The following MAF variants were observed in gnomAD, a reference collection of about 807,000 sequenced individuals.
MAF encodes the protein MAF bZIP transcription factor.
A neutral mutation model predicts 22.0 loss-of-function variants in MAF; 10 were observed. That is an observed-to-expected ratio of 0.45 (90% CI 0.28 to 0.77). The LOEUF (loss-of-function observed/expected upper bound fraction) is 0.77, where lower values mean the gene tolerates loss of function less well. Ranked by LOEUF, MAF falls within the 30% of genes least tolerant of loss-of-function variation. The probability of loss-of-function intolerance (pLI) is 0.12; values close to 1 mark genes in which losing one functional copy is unlikely to be tolerated. For missense variants in MAF, 544 were observed against 548.4 expected, an observed-to-expected ratio of 0.99 and a Z score of 0.08; for synonymous variants, 337 against 255.8, an observed-to-expected ratio of 1.32 and a Z score of -3.03.
At chr16:79,248,382 T>C in the MAF span, among the ~76,000 whole-genome samples, 1 of 152,228 alleles carries the variant, frequency 6.6e-6, no homozygotes, top group African/African-American at 2.4e-5. Context: ...CCCACTTCTT[T>C]AGCTCTCTAA....
chr16:79,210,237 AAAC>A, the MAF span, among the ~76,000 whole-genome samples: 2 of 152,220 alleles, frequency 1.3e-5, no homozygotes, highest in African/African-American at 2.4e-5. Context: ...AGCTAAAACC[AAAC>A]AACAATGACA....
the MAF span, among the ~76,000 whole-genome samples, chr16:79,373,229 C>T: frequency 6.6e-6 from 1 of 152,140 alleles, no homozygotes; most frequent in Non-Finnish European, 1.5e-5. Flanking sequence ...CATATTGAAG[C>T]CTAATCCCCA....
the MAF span, among the ~76,000 whole-genome samples, chr16:79,268,446 T>G: frequency 6.6e-6 from 1 of 152,126 alleles, no homozygotes; most frequent in Non-Finnish European, 1.5e-5. Flanking sequence ...CCTGTTAGGA[T>G]TACTGTGAAA....
At chr16:79,298,924 C>G in the MAF span, among the ~76,000 whole-genome samples, 1 of 152,240 alleles carries the variant, frequency 6.6e-6, no homozygotes, top group Non-Finnish European at 1.5e-5. Flanking sequence ...GGTTGGGAAG[C>G]ATTGTGTGGT....
At chr16:79,276,435 A>C in the MAF span, among the ~76,000 whole-genome samples, 1 of 152,308 alleles carries the variant, frequency 6.6e-6, no homozygotes, top group African/African-American at 2.4e-5. Flanking sequence ...TGTCTCTTGA[A>C]ACATTTCCTT....
the MAF span, among the ~76,000 whole-genome samples, chr16:79,363,564 T>C: frequency 7.2e-5 from 11 of 152,240 alleles, no homozygotes; most frequent in African/African-American, 1.9e-4. Flanking sequence ...TGGTTTCTAC[T>C]GAATGTGTAT....
the MAF span, among the ~76,000 whole-genome samples, chr16:79,441,898 G>A: frequency 6.6e-6 from 1 of 152,212 alleles, no homozygotes; most frequent in African/African-American, 2.4e-5. Context: ...TAAATCCGAT[G>A]ACGAGGATCT....
the MAF span, among the ~76,000 whole-genome samples, chr16:79,277,715 C>A: frequency 6.6e-6 from 1 of 152,204 alleles, no homozygotes; most frequent in African/African-American, 2.4e-5. Flanking sequence ...GTTACCTAAT[C>A]CCCCTGAGCT....
chr16:79,594,763 C>T, intron 1 of MAF: 10 of 1,355,920 alleles, frequency 7.4e-6, no homozygotes, highest in Non-Finnish European at 8.5e-6. Context: ...TCAAAGTTTT[C>T]AGTAATTGTT....
At chr16:79,264,055 G>A in the MAF span, among the ~76,000 whole-genome samples, 1 of 152,264 alleles carries the variant, frequency 6.6e-6, no homozygotes. Flanking sequence ...GTCTGTAAAT[G>A]GAGAAGACTC....
At chr16:79,473,446 T>A in the MAF span, among the ~76,000 whole-genome samples, 1 of 152,168 alleles carries the variant, frequency 6.6e-6, no homozygotes, top group Non-Finnish European at 1.5e-5. Context: ...TAGCCTCTCA[T>A]GGGTGCAAAC....
chr16:79,468,466 C>T, the MAF span, among the ~76,000 whole-genome samples: 4,709 of 152,272 alleles, frequency 0.031, 281 homozygotes, highest in African/African-American at 0.11. Flanking sequence ...GGTGGGAGAC[C>T]TGCTCTTGTT....
At chr16:79,580,919 G>C (rs576459538), downstream of MAF, among the ~76,000 whole-genome samples, 148 of 152,256 alleles carry the variant, frequency 9.7e-4, no homozygotes, top group African/African-American at 3.2e-3. Flanking sequence ...CTTCAAGTAT[G>C]TGCTACCCAC....
At chr16:79,347,238 G>C in the MAF span, among the ~76,000 whole-genome samples, 1 of 152,224 alleles carries the variant, frequency 6.6e-6, no homozygotes. Flanking sequence ...GCAGCTGCAC[G>C]TGTGGGCGTG....
the MAF span, among the ~76,000 whole-genome samples, chr16:79,527,819 A>AG: frequency 6.6e-6 from 1 of 152,276 alleles, no homozygotes; most frequent in East Asian, 1.9e-4. Flanking sequence ...TGTTGGTTCA[A>AG]GAAAAACAGA....
At chr16:79,266,586 G>C in the MAF span, among the ~76,000 whole-genome samples, 1 of 152,144 alleles carries the variant, frequency 6.6e-6, no homozygotes, top group African/African-American at 2.4e-5. Flanking sequence ...ATGATATCAA[G>C]ATCTTTCCTC....
chr16:79,421,615 C>G, the MAF span, among the ~76,000 whole-genome samples: 6 of 150,060 alleles, frequency 4.0e-5, no homozygotes, highest in Admixed American at 3.3e-4. Flanking sequence ...AAGGGAAAGA[C>G]AGTTAGTAAA....
the MAF span, among the ~76,000 whole-genome samples, chr16:79,521,490 T>A: frequency 6.6e-6 from 1 of 152,346 alleles, no homozygotes; most frequent in African/African-American, 2.4e-5. Flanking sequence ...GATCTCTGGG[T>A]TCTTCCTGTG....
At chr16:79,328,645 G>A in the MAF span, among the ~76,000 whole-genome samples, 3,075 of 152,286 alleles carry the variant, frequency 0.02, 34 homozygotes, top group Non-Finnish European at 0.028. Flanking sequence ...CAGGGAAGTT[G>A]TCACTGTGTG....
Sources: allele counts gnomAD v4.1 joint callset (sites outside exome capture counted in the v4.1 genomes callset), GRCh38; gene constraint gnomAD v4.1.1; transcripts MANE v1.5; gene names NCBI Gene and HGNC (gene_info 2026-07-23, HGNC 2026-07-21).